Variants in IFT74 observed in about 807,000 individuals in gnomAD.
IFT74 encodes intraflagellar transport protein 74 homolog.
IFT74 carries 92 observed loss-of-function variants against 96.7 expected under a neutral mutation model. That is an observed-to-expected ratio of 0.95 (90% CI 0.80 to 1.13). The LOEUF (loss-of-function observed/expected upper bound fraction) is 1.13, where lower values mean the gene tolerates loss of function less well. IFT74 is among the 50% of genes most tolerant of loss of function. IFT74 has a pLI of 0.00. For synonymous variants in IFT74, 223 were observed against 213.2 expected, an observed-to-expected ratio of 1.05 and a Z score of -0.40; for missense variants, 811 against 698.2, an observed-to-expected ratio of 1.16 and a Z score of -1.82.
At chr9:26,989,761 C>A (rs1205590948) in intron 7 of IFT74, among the ~76,000 whole-genome samples, 9 of 151,982 alleles carry the variant, frequency 5.9e-5, no homozygotes, top group Admixed American at 5.9e-4. Context: ...CAGATAATAT[C>A]CTGAATGGTT....
chr9:26,948,448 A>ATTATTATTATTATTTTTTTTTTT (rs1825819541), intron 1 of IFT74, among the ~76,000 whole-genome samples: 6 of 59,162 alleles, frequency 1.0e-4, no homozygotes, highest in Non-Finnish European at 1.9e-4. Flanking sequence ...GCTTTCCATT[A>ATTATTATTATTATTTTTTTTTTT]TTTTTTTTTT....
At chr9:26,997,978 A>G (rs758721283) in intron 8 of IFT74, 15 of 1,613,936 alleles carry the variant, frequency 9.3e-6, no homozygotes, top group Non-Finnish European at 1.3e-5. Context: ...CTAAAAATGC[A>G]CCCTGTTGAA....
At chr9:26,976,873 A>C in intron 2 of IFT74, 1 of 438,892 alleles carries the variant, frequency 2.3e-6, no homozygotes, top group South Asian at 1.7e-5. Flanking sequence ...CCTGAAGTAG[A>C]GAATCTTGTT....
chr9:27,053,377 A>G (rs796527785), intron 16 of IFT74, among the ~76,000 whole-genome samples: 4 of 152,246 alleles, frequency 2.6e-5, no homozygotes, highest in African/African-American at 9.6e-5. Flanking sequence ...AAAAAGGTTG[A>G]GAAACACTGG....
chr9:27,036,674 T>G, intron 13 of IFT74: 2 of 1,337,166 alleles, frequency 1.5e-6, no homozygotes, highest in Non-Finnish European at 1.9e-6. Context: ...GTTCACTCTT[T>G]GCTTCTGTGA....
chr9:27,033,692 G>T (rs1468894306), intron 13 of IFT74, among the ~76,000 whole-genome samples: 6 of 151,826 alleles, frequency 4.0e-5, no homozygotes, highest in Non-Finnish European at 7.4e-5. Flanking sequence ...TATTTAGGCT[G>T]TTTCTAATTT....
intron 8 of IFT74, chr9:26,995,535 A>G (rs1828100229): frequency 1.3e-6 from 2 of 1,551,310 alleles, no homozygotes. Flanking sequence ...TTTTCTTCAC[A>G]TAATTCATGG....
intron 2 of IFT74, 42 bp from the exon 3 acceptor site, chr9:26,978,086 T>C: frequency 1.3e-6 from 2 of 1,533,490 alleles, no homozygotes; most frequent in Non-Finnish European, 1.7e-6. Context: ...TGTACAGTGT[T>C]TTTTCTGGTT....
At chr9:26,954,478 G>C (rs1032058439), upstream of IFT74, among the ~76,000 whole-genome samples, 1 of 152,174 alleles carries the variant, frequency 6.6e-6, no homozygotes, top group East Asian at 1.9e-4. Flanking sequence ...ATGAATTGCT[G>C]TCTGTTCAAA....
chr9:26,993,739 A>G (rs890959290), intron 8 of IFT74: 1 of 152,202 alleles, frequency 6.6e-6, no homozygotes, highest in African/African-American at 2.4e-5. Flanking sequence ...GAAGTAGCAT[A>G]TTATACCCTT....
chr9:27,011,947 G>GA lies in IFT74; in HGVS notation c.774dup (p.Glu259ArgfsTer21). On this transcript the variant is annotated frameshift_variant, in exon 10 of 20. Transcript: ENST00000380062. LOFTEE classifies it high-confidence loss of function. ...AACAACAATTGGATTCACAGAACAT[G>GA]AAAAAAGAGAGCCTGGAAGCAGTAA... 2 of 1,582,554 alleles carry GA rather than the reference G, an allele frequency of 1.3e-6. No homozygotes were observed. The highest frequency in any genetic ancestry group is 1.7e-6 in the Non-Finnish European group (2 of 1,165,878).
At chr9:26,998,188 G>C (rs748115351) in intron 8 of IFT74, 2 of 1,563,016 alleles carry the variant, frequency 1.3e-6, no homozygotes, top group Non-Finnish European at 8.7e-7. Flanking sequence ...CATCTTTCTT[G>C]ATATCTGCTG....
intron 8 of IFT74, chr9:26,995,742 T>G (rs780866503): frequency 5.0e-6 from 8 of 1,613,892 alleles, no homozygotes; most frequent in Non-Finnish European, 6.8e-6. Flanking sequence ...AGCAGAATAT[T>G]GTACCATATT....
At chr9:26,980,041 A>C (rs914671300) in intron 3 of IFT74, among the ~76,000 whole-genome samples, 3 of 152,124 alleles carry the variant, frequency 2.0e-5, no homozygotes, top group Non-Finnish European at 4.4e-5. Flanking sequence ...TTCTACTGAA[A>C]TGTAAGACCA....
At chr9:27,037,313 A>C (rs1819251966) in intron 13 of IFT74, among the ~76,000 whole-genome samples, 1 of 152,164 alleles carries the variant, frequency 6.6e-6, no homozygotes, top group Non-Finnish European at 1.5e-5. Context: ...TGTTGATGGC[A>C]AAATTATGTA....
intron 12 of IFT74, among the ~76,000 whole-genome samples, chr9:27,022,159 T>G (rs1307809101): frequency 5.3e-5 from 8 of 152,212 alleles, no homozygotes; most frequent in Non-Finnish European, 4.4e-5. Flanking sequence ...GTTTTATTTC[T>G]GGGTTCTCTA....
At chr9:26,987,930 G>A (rs1827705200) in intron 6 of IFT74, among the ~76,000 whole-genome samples, 1 of 151,880 alleles carries the variant, frequency 6.6e-6, no homozygotes, top group Admixed American at 6.6e-5. Context: ...TTTTACTAGT[G>A]TAAATTTGTT....
chr9:26,995,736 G>C, intron 8 of IFT74: 1 of 1,613,870 alleles, frequency 6.2e-7, no homozygotes, highest in Non-Finnish European at 8.5e-7. Context: ...TAACTAAGCA[G>C]AATATTGTAC....
rs140907453 is a variant in IFT74 at position 26,995,678 on chromosome 9, C to T, written c.587+5483C>T. On this transcript the variant is annotated intron_variant, in intron 8 of 19. Transcript: ENST00000380062. ...AAGAGAGCTTGGATTTCCAGTAAAA[C>T]CATCTTCATAGGTTTCTGCTTCATG... The T allele has an allele frequency of 2.1e-5, 34 of 1,613,868 alleles. No homozygotes were observed. In the African/African-American group the frequency reaches 3.2e-4, roughly 15 times the overall value.
Sources: gnomAD v4.1 joint callset for allele counts (sites outside exome capture counted in the v4.1 genomes callset) on GRCh38, gnomAD v4.1.1 for gene constraint, MANE v1.5 for transcripts, NCBI Gene and HGNC (gene_info 2026-07-23, HGNC 2026-07-21) for gene names.